The following TEX9 variants were observed in gnomAD, a reference collection of about 807,000 sequenced individuals.
TEX9 encodes the protein testis-expressed protein 9.
TEX9 carries 74 observed loss-of-function variants against 59.6 expected under a neutral mutation model. The observed-to-expected ratio is 1.24, with a 90% CI of 1.03 to 1.51. TEX9 has a LOEUF of 1.51. Ranked by LOEUF, TEX9 falls within the 40% of genes most tolerant of loss-of-function variation. The pLI, the probability that TEX9 is intolerant of heterozygous loss-of-function variation, is 0.00. For synonymous variants in TEX9, 186 were observed against 152.2 expected, an observed-to-expected ratio of 1.22 and a Z score of -1.64; for missense variants, 522 against 447.8, an observed-to-expected ratio of 1.17 and a Z score of -1.49.
chr15:56,358,858 T>A (rs955008430), intron 1 of TEX9, among the ~76,000 whole-genome samples: 1 of 152,084 alleles, frequency 6.6e-6, no homozygotes, highest in Non-Finnish European at 1.5e-5. Context: ...GTTTTATAAG[T>A]GTCTGACATT....
At chr15:56,427,849 C>G in intron 11 of TEX9, 110 bp downstream of exon 11, 1 of 771,062 alleles carries the variant, frequency 1.3e-6, no homozygotes. Flanking sequence ...CACTGAACTT[C>G]ATATAAAATG....
At chr15:56,371,360 T>G (rs1290349295) in intron 2 of TEX9, among the ~76,000 whole-genome samples, 1 of 152,224 alleles carries the variant, frequency 6.6e-6, no homozygotes, top group Non-Finnish European at 1.5e-5. Context: ...TTAATTTCAG[T>G]GACTGTGTTT....
intron 1 of TEX9, among the ~76,000 whole-genome samples, chr15:56,245,071 G>C (rs1350059898): frequency 6.6e-6 from 1 of 152,134 alleles, no homozygotes; most frequent in Non-Finnish European, 1.5e-5. Context: ...GTTTCTACCT[G>C]TTAGATCCTC....
At chr15:56,331,421 A>G (rs1237587525) in intron 1 of TEX9, among the ~76,000 whole-genome samples, 2 of 152,224 alleles carry the variant, frequency 1.3e-5, no homozygotes, top group Non-Finnish European at 2.9e-5. Flanking sequence ...AAGTCATAAA[A>G]CATTCAAAAA....
intron 1 of TEX9, among the ~76,000 whole-genome samples, chr15:56,317,961 T>C (rs2045815984): frequency 3.9e-5 from 6 of 152,168 alleles, no homozygotes; most frequent in Admixed American, 3.9e-4. Flanking sequence ...TATATCACTG[T>C]TTGAGGTGGA....
chr15:56,395,036 G>A (rs1378970276), intron 9 of TEX9: 5 of 571,720 alleles, frequency 8.7e-6, no homozygotes, highest in Non-Finnish European at 1.5e-5. Flanking sequence ...AATGGCTTTT[G>A]GTGTATTCAT....
At chr15:56,266,958 C>G (rs1185951653) in intron 1 of TEX9, among the ~76,000 whole-genome samples, 1 of 152,086 alleles carries the variant, frequency 6.6e-6, no homozygotes, top group Non-Finnish European at 1.5e-5. Flanking sequence ...TAAAAGTGTC[C>G]CTATTTCTCC....
chr15:56,389,255 A>G (rs1263845174), intron 5 of TEX9, 63 bp from the exon 6 acceptor site: 1 of 1,317,008 alleles, frequency 7.6e-7, no homozygotes, highest in Non-Finnish European at 1.1e-6. Context: ...GTGTTACAGA[A>G]TTGCTTTCTT....
chr15:56,365,393 G>A, upstream of TEX9: 1 of 1,584,822 alleles, frequency 6.3e-7, no homozygotes, highest in Non-Finnish European at 8.6e-7. Flanking sequence ...ACCGGGATGT[G>A]GAAACTCTCG....
chr15:56,283,049 G>GGTGTGTGTGTGT (rs3985761), intron 1 of TEX9, among the ~76,000 whole-genome samples: 80 of 148,550 alleles, frequency 5.4e-4, no homozygotes, highest in African/African-American at 1.7e-3. Context: ...TACATTGTGT[G>GGTGTGTGTGTGT]GTGTGTGTGT....
chr15:56,339,307 C>T (rs2046319114), intron 1 of TEX9, among the ~76,000 whole-genome samples: 1 of 137,960 alleles, frequency 7.2e-6, no homozygotes, highest in Non-Finnish European at 1.5e-5. Context: ...CGCTTGAACC[C>T]AGGAGGTGGA....
At chr15:56,284,553 C>A (rs1240042127) in intron 1 of TEX9, among the ~76,000 whole-genome samples, 1 of 151,664 alleles carries the variant, frequency 6.6e-6, no homozygotes, top group Non-Finnish European at 1.5e-5. Flanking sequence ...ATTATTATTG[C>A]GTTAAAGAAG....
At chr15:56,311,418 T>A (rs1286150305) in intron 1 of TEX9, among the ~76,000 whole-genome samples, 108 of 137,742 alleles carry the variant, frequency 7.8e-4, no homozygotes, top group Non-Finnish European at 1.5e-3. Context: ...CTTGCGATAG[T>A]TTACTGAGAA....
At chr15:56,426,377 A>G (rs1277523157) in intron 10 of TEX9, among the ~76,000 whole-genome samples, 1 of 151,634 alleles carries the variant, frequency 6.6e-6, no homozygotes, top group Non-Finnish European at 1.5e-5. Flanking sequence ...ACTGCTTTGA[A>G]TATGGCCTTT....
chr15:56,431,599 A>G (rs2050598274), intron 12 of TEX9: 14 of 1,074,728 alleles, frequency 1.3e-5, no homozygotes, highest in Non-Finnish European at 1.7e-5. Context: ...AAATTGATGA[A>G]CTATTTATGA....
At chr15:56,354,391 A>G (rs2046645907) in intron 1 of TEX9, among the ~76,000 whole-genome samples, 2 of 152,138 alleles carry the variant, frequency 1.3e-5, no homozygotes, top group South Asian at 4.1e-4. Context: ...GAACACCAAC[A>G]CTAGGTTTCT....
chr15:56,262,225 A>C (rs1287436557), intron 1 of TEX9, among the ~76,000 whole-genome samples: 1 of 152,266 alleles, frequency 6.6e-6, no homozygotes. Flanking sequence ...TTAAAGGGCC[A>C]AAACGCATTT....
chr15:56,439,502 T>C (rs559976911), intron 12 of TEX9, among the ~76,000 whole-genome samples: 1 of 151,902 alleles, frequency 6.6e-6, no homozygotes. Flanking sequence ...CTGTGTAGTA[T>C]TGGTGGAGGG....
At chr15:56,291,189 T>G (rs2045080277) in intron 1 of TEX9, among the ~76,000 whole-genome samples, 1 of 152,232 alleles carries the variant, frequency 6.6e-6, no homozygotes, top group South Asian at 2.1e-4. Flanking sequence ...GAGACCCTTT[T>G]CTAAATACAT....
Sources: gnomAD v4.1 joint callset for allele counts (sites outside exome capture counted in the v4.1 genomes callset) on GRCh38, gnomAD v4.1.1 for gene constraint, MANE v1.5 for transcripts, NCBI Gene and HGNC (gene_info 2026-07-23, HGNC 2026-07-21) for gene names.